LHFPL3: variants seen among roughly 807,000 people sequenced by gnomAD.
LHFPL3 encodes the protein LHFPL tetraspan subfamily member 3 protein.
Under a neutral mutation model 19.3 loss-of-function variants are expected in LHFPL3, and 5 were observed. The ratio of observed to expected loss-of-function variants is 0.26; its 90% CI spans 0.14 to 0.54. LHFPL3 has a LOEUF of 0.54. Ranked by LOEUF, LHFPL3 falls within the 20% of genes least tolerant of loss-of-function variation. The probability of loss-of-function intolerance (pLI) is 0.94; values close to 1 mark genes in which losing one functional copy is unlikely to be tolerated. For missense variants in LHFPL3, 249 were observed against 307.4 expected (o/e 0.81, Z 1.42); for synonymous variants, 133 against 126.2 (o/e 1.05, Z -0.36).
At chr7:104,646,198 T>C (rs1265281446) in intron 1 of LHFPL3, among the ~76,000 whole-genome samples, 4 of 152,216 alleles carry the variant, frequency 2.6e-5, no homozygotes, top group African/African-American at 9.6e-5. Flanking sequence ...AAGTACATTA[T>C]GTGCACCAAC....
chr7:104,733,546 C>G (rs1448174187), intron 1 of LHFPL3, among the ~76,000 whole-genome samples: 2 of 152,002 alleles, frequency 1.3e-5, no homozygotes, highest in Admixed American at 6.6e-5. Context: ...GATTGCAACC[C>G]CTCCCTTTCT....
chr7:104,727,279 T>A (rs1482628611), intron 1 of LHFPL3, among the ~76,000 whole-genome samples: 1 of 152,214 alleles, frequency 6.6e-6, no homozygotes, highest in Non-Finnish European at 1.5e-5. Context: ...CTGTAGGTTG[T>A]CTGTTCACTT....
At chr7:104,719,932 G>T (rs947719802) in intron 1 of LHFPL3, among the ~76,000 whole-genome samples, 1 of 152,232 alleles carries the variant, frequency 6.6e-6, no homozygotes. Context: ...TAATGTCAAG[G>T]TTGGTCGAGA....
chr7:104,660,580 G>T (rs749690843), intron 1 of LHFPL3, among the ~76,000 whole-genome samples: 3 of 152,178 alleles, frequency 2.0e-5, no homozygotes, highest in Non-Finnish European at 4.4e-5. Flanking sequence ...GAGTTAGAAA[G>T]TTGCTATATA....
At chr7:104,765,466 T>C (rs761330299) in intron 2 of LHFPL3, among the ~76,000 whole-genome samples, 7 of 152,224 alleles carry the variant, frequency 4.6e-5, no homozygotes, top group Non-Finnish European at 8.8e-5. Flanking sequence ...ATTATTTCTA[T>C]TGGGGAGGGA....
intron 1 of LHFPL3, among the ~76,000 whole-genome samples, chr7:104,501,926 AAGTT>A (rs1793604404): frequency 6.6e-6 from 1 of 152,218 alleles, no homozygotes; most frequent in Non-Finnish European, 1.5e-5. Flanking sequence ...TCTGAAAAAT[AAGTT>A]AGATCAATTG....
At chr7:104,562,040 G>C (rs1175494102) in intron 1 of LHFPL3, among the ~76,000 whole-genome samples, 1 of 152,040 alleles carries the variant, frequency 6.6e-6, no homozygotes, top group Non-Finnish European at 1.5e-5. Context: ...TAGGGTTTCT[G>C]CTGAGAGATC....
At chr7:104,814,163 G>T (rs559388673) in intron 2 of LHFPL3, among the ~76,000 whole-genome samples, 1 of 152,146 alleles carries the variant, frequency 6.6e-6, no homozygotes, top group South Asian at 2.1e-4. Context: ...CCTAGCAGAG[G>T]GTAGCTCCTC....
chr7:104,704,846 G>A (rs904022409), intron 1 of LHFPL3, among the ~76,000 whole-genome samples: 3 of 152,074 alleles, frequency 2.0e-5, no homozygotes, highest in African/African-American at 7.2e-5. Context: ...TTGTTGCCCA[G>A]GCTGATCTCG....
intron 1 of LHFPL3, among the ~76,000 whole-genome samples, chr7:104,529,478 A>G (rs137908402): frequency 0.011 from 1,705 of 152,204 alleles, 15 homozygotes; most frequent in Non-Finnish European, 0.017. Context: ...GAAAAACTCA[A>G]TCTCATCATT....
intron 1 of LHFPL3, among the ~76,000 whole-genome samples, chr7:104,724,784 CAAAAG>C (rs67437411): frequency 0.32 from 47,945 of 151,552 alleles, 8,240 homozygotes; most frequent in East Asian, 0.63. Context: ...AGAATATATC[CAAAAG>C]AAAAGAAAAG....
intron 2 of LHFPL3, among the ~76,000 whole-genome samples, chr7:104,822,098 AGGTGGGCTTT>A (rs1790686375): frequency 6.6e-6 from 1 of 152,206 alleles, no homozygotes; most frequent in African/African-American, 2.4e-5. Context: ...AAAAGATGCA[AGGTGGGCTTT>A]ATCTGTTTAA....
chr7:104,786,349 G>A (rs1176163115), intron 2 of LHFPL3, among the ~76,000 whole-genome samples: 1 of 152,180 alleles, frequency 6.6e-6, no homozygotes, highest in African/African-American at 2.4e-5. Context: ...TACTTGCTCA[G>A]CTTCCTCATC....
chr7:104,395,341 A>G (rs535018668), intron 1 of LHFPL3, among the ~76,000 whole-genome samples: 4 of 152,344 alleles, frequency 2.6e-5, no homozygotes, highest in Admixed American at 2.6e-4. Flanking sequence ...TAATTGCAGT[A>G]GCAAGATCCT....
chr7:104,459,484 G>A (rs958822367), intron 1 of LHFPL3, among the ~76,000 whole-genome samples: 21 of 152,160 alleles, frequency 1.4e-4, no homozygotes, highest in African/African-American at 2.9e-4. Context: ...AATTGATGGC[G>A]CAAACTGCTG....
intron 1 of LHFPL3, among the ~76,000 whole-genome samples, chr7:104,643,292 C>G (rs1791869915): frequency 6.6e-6 from 1 of 152,150 alleles, no homozygotes; most frequent in Non-Finnish European, 1.5e-5. Flanking sequence ...TGAGCCTTCC[C>G]AGAGATTCAT....
At chr7:104,756,255 C>G (rs1390286221) in intron 2 of LHFPL3, among the ~76,000 whole-genome samples, 1 of 152,144 alleles carries the variant, frequency 6.6e-6, no homozygotes, top group Admixed American at 6.5e-5. Flanking sequence ...TAATTTTTAA[C>G]TAGACACACC....
At chr7:104,493,174 C>G (rs370063230) in intron 1 of LHFPL3, among the ~76,000 whole-genome samples, 24 of 152,120 alleles carry the variant, frequency 1.6e-4, no homozygotes, top group African/African-American at 5.3e-4. Flanking sequence ...CCTCTTGGAT[C>G]TTGGTATTTA....
At chr7:104,633,600 A>G (rs1208703362) in intron 1 of LHFPL3, among the ~76,000 whole-genome samples, 2 of 152,180 alleles carry the variant, frequency 1.3e-5, no homozygotes, top group Non-Finnish European at 2.9e-5. Context: ...TTCCTTCCTA[A>G]AATGATATCA....
Sources: allele counts gnomAD v4.1 joint callset (sites outside exome capture counted in the v4.1 genomes callset), GRCh38; gene constraint gnomAD v4.1.1; transcripts MANE v1.5; gene names NCBI Gene and HGNC (gene_info 2026-07-23, HGNC 2026-07-21).